Variants in RERE observed in about 807,000 individuals in gnomAD.
RERE encodes arginine-glutamic acid dipeptide repeats protein.
Under a neutral mutation model 146.1 loss-of-function variants are expected in RERE, and 40 were observed. The ratio of observed to expected loss-of-function variants is 0.27; its 90% CI spans 0.21 to 0.36. The LOEUF (loss-of-function observed/expected upper bound fraction) is 0.36, where lower values mean the gene tolerates loss of function less well. RERE is among the 10% of genes least tolerant of loss of function. RERE has a pLI of 1.00. For missense variants in RERE, 1,933 were observed against 2,138.7 expected, an observed-to-expected ratio of 0.90 and a Z score of 1.90; for synonymous variants, 1,003 against 866.0, an observed-to-expected ratio of 1.16 and a Z score of -2.78.
chr1:8,766,847 G>T (rs948543901), intron 1 of RERE, among the ~76,000 whole-genome samples: 1 of 152,014 alleles, frequency 6.6e-6, no homozygotes, highest in Non-Finnish European at 1.5e-5. Context: ...TTTTAAGAAG[G>T]TTTTGTTTTA....
At chr1:8,444,879 G>A (rs1373243281) in intron 11 of RERE, among the ~76,000 whole-genome samples, 1 of 149,950 alleles carries the variant, frequency 6.7e-6, no homozygotes, top group East Asian at 2.0e-4. Flanking sequence ...TGCTTGTACA[G>A]CCTATAGAAC....
intron 12 of RERE, among the ~76,000 whole-genome samples, chr1:8,395,474 CAA>C (rs36088351): frequency 7.4e-4 from 82 of 110,122 alleles, no homozygotes; most frequent in South Asian, 8.4e-4. Flanking sequence ...GGCTCTGTCT[CAA>C]AAAAAAAAAA....
At chr1:8,586,941 T>C (rs1418961854) in intron 4 of RERE, among the ~76,000 whole-genome samples, 1 of 152,146 alleles carries the variant, frequency 6.6e-6, no homozygotes, top group African/African-American at 2.4e-5. Context: ...GGATTAAGAA[T>C]GCAGCCCAGG....
intron 13 of RERE, among the ~76,000 whole-genome samples, chr1:8,365,227 C>T (rs116149839): frequency 6.6e-6 from 1 of 152,188 alleles, no homozygotes; most frequent in South Asian, 2.1e-4. Flanking sequence ...TAGGTGATTT[C>T]TAGTCGCCTG....
chr1:8,660,508 A>G (rs1325338276), intron 1 of RERE, among the ~76,000 whole-genome samples: 1 of 152,256 alleles, frequency 6.6e-6, no homozygotes, highest in Non-Finnish European at 1.5e-5. Context: ...TACAGTCTAC[A>G]GAACTCAGAA....
intron 1 of RERE, among the ~76,000 whole-genome samples, chr1:8,679,983 C>T (rs1163668298): frequency 6.6e-6 from 1 of 152,148 alleles, no homozygotes; most frequent in Non-Finnish European, 1.5e-5. Flanking sequence ...ATTTAAACTA[C>T]ACACGTTTTT....
intron 12 of RERE, among the ~76,000 whole-genome samples, chr1:8,382,714 CT>C (rs1642500596): frequency 6.6e-6 from 1 of 151,820 alleles, no homozygotes; most frequent in Admixed American, 6.5e-5. Context: ...GCTGCACGAC[CT>C]TGAGCAAATT....
At chr1:8,541,381 AG>A (rs1366812698) in intron 6 of RERE, 63 bp from the exon 7 acceptor site, 5 of 978,456 alleles carry the variant, frequency 5.1e-6, no homozygotes, top group African/African-American at 4.8e-5. Flanking sequence ...CCAAAACTGG[AG>A]GGGGAAGGGT....
At chr1:8,509,488 G>C (rs1480740448) in intron 7 of RERE, among the ~76,000 whole-genome samples, 4 of 152,088 alleles carry the variant, frequency 2.6e-5, no homozygotes, top group Non-Finnish European at 5.9e-5. Context: ...CTATAAGCCA[G>C]GAATTGTCCT....
At chr1:8,651,980 C>T (rs1311235159) in intron 2 of RERE, among the ~76,000 whole-genome samples, 1 of 152,024 alleles carries the variant, frequency 6.6e-6, no homozygotes, top group Non-Finnish European at 1.5e-5. Context: ...CTTGCCCAGC[C>T]CAGCACCCTA....
chr1:8,763,987 T>C (rs1640802966), intron 1 of RERE, among the ~76,000 whole-genome samples: 1 of 150,632 alleles, frequency 6.6e-6, no homozygotes, highest in South Asian at 2.1e-4. Context: ...GTGAAGGTGC[T>C]AGTTGACTGT....
intron 2 of RERE, among the ~76,000 whole-genome samples, chr1:8,643,173 T>C (rs975319266): frequency 3.3e-5 from 5 of 152,120 alleles, no homozygotes; most frequent in African/African-American, 4.8e-5. Flanking sequence ...TCTGGATCAA[T>C]TGGCCCCAGG....
At chr1:8,479,125 C>A (rs1437450347) in intron 10 of RERE, among the ~76,000 whole-genome samples, 1 of 152,066 alleles carries the variant, frequency 6.6e-6, no homozygotes, top group African/African-American at 2.4e-5. Context: ...TGGCTCACAC[C>A]TGTAATCCCA....
chr1:8,593,414 T>C (rs1206871013), intron 4 of RERE, among the ~76,000 whole-genome samples: 1 of 152,194 alleles, frequency 6.6e-6, no homozygotes, highest in Non-Finnish European at 1.5e-5. Flanking sequence ...ATACGTCTCA[T>C]GAGATCTGAT....
chr1:8,479,574 T>C (rs1162349027), intron 10 of RERE, among the ~76,000 whole-genome samples: 1 of 152,114 alleles, frequency 6.6e-6, no homozygotes, highest in African/African-American at 2.4e-5. Flanking sequence ...AAACCCAGAC[T>C]GGAGAAGACA....
chr1:8,422,025 A>G (rs779725424), intron 12 of RERE, among the ~76,000 whole-genome samples: 2 of 152,220 alleles, frequency 1.3e-5, no homozygotes, highest in Non-Finnish European at 2.9e-5. Flanking sequence ...CCACAGGGAA[A>G]TGAGAATGAA....
intron 4 of RERE, among the ~76,000 whole-genome samples, chr1:8,595,833 G>C (rs758496505): frequency 3.9e-5 from 6 of 152,056 alleles, no homozygotes; most frequent in Non-Finnish European, 7.4e-5. Context: ...AAATAATATA[G>C]GAAAGAAGAA....
At chr1:8,582,526 C>A (rs950372425) in intron 4 of RERE, among the ~76,000 whole-genome samples, 4 of 151,874 alleles carry the variant, frequency 2.6e-5, no homozygotes, top group Non-Finnish European at 5.9e-5. Context: ...TGCTCCACCA[C>A]ACTTGGCTAT....
At chr1:8,564,100 G>C (rs1646110478) in intron 4 of RERE, among the ~76,000 whole-genome samples, 1 of 152,170 alleles carries the variant, frequency 6.6e-6, no homozygotes, top group South Asian at 2.1e-4. Context: ...TGTCACCTTA[G>C]CTAAGACCTT....
Sources: allele counts gnomAD v4.1 joint callset (sites outside exome capture counted in the v4.1 genomes callset), GRCh38; gene constraint gnomAD v4.1.1; transcripts MANE v1.5; gene names NCBI Gene and HGNC (gene_info 2026-07-23, HGNC 2026-07-21).